Variants in DOCK6 observed in about 807,000 individuals in gnomAD.
DOCK6 encodes dedicator of cytokinesis 6.
DOCK6 carries 167 observed loss-of-function variants against 230.3 expected under a neutral mutation model. The observed-to-expected ratio is 0.73, with a 90% CI of 0.64 to 0.82. The LOEUF (loss-of-function observed/expected upper bound fraction) is 0.82. Ranked by LOEUF, DOCK6 falls within the 40% of genes least tolerant of loss-of-function variation. The pLI, the probability that DOCK6 is intolerant of heterozygous loss-of-function variation, is 0.00. For synonymous variants in DOCK6, 1,148 were observed against 1,185.0 expected (o/e 0.97, Z 0.64); for missense variants, 2,598 against 2,825.8 (o/e 0.92, Z 1.83).
In DOCK6 at chr19:11,236,433, G is replaced by A; in HGVS notation, c.2305C>T (p.Pro769Ser). 6.3e-7 allele frequency: 1 copy of A among 1,589,196 alleles called. No individual in the cohort carries two copies. Among genetic ancestry groups the A allele is most frequent in the Non-Finnish European group, 8.6e-7 (1 of 1,168,530 alleles). Residue 769 changes from proline (P) to serine (S), a missense_variant, in exon 20 of 48, where the codon CCC becomes TCC. Physicochemically the swap from Pro to Ser is moderately conservative, Grantham distance 74 (BLOSUM62 -1). Coordinates refer to ENST00000294618, the MANE Select transcript of DOCK6 (RefSeq NM_020812.4). The surrounding 1 kb of genome is among the most constrained non-coding windows in gnomAD (Gnocchi z 5.2). Reference protein sequence around the residue: ...ASLAALRLASPEPLVAFSHHV... With the variant: ...ASLAALRLASSEPLVAFSHHV... ...TGGGAGAAGGCCACAAGGGGTTCGGGGCTGGCCAGGCGCAGTGCTGCAAGA... is the reference window on the plus strand; with the variant it reads ...TGGGAGAAGGCCACAAGGGGTTCGGAGCTGGCCAGGCGCAGTGCTGCAAGA...
At chr19:11,238,900 C>G (rs2079894592) in intron 14 of DOCK6, 1 of 155,560 alleles carries the variant, frequency 6.4e-6, no homozygotes, top group African/African-American at 2.4e-5. Context: ...TGATAAATAA[C>G]AACAATGACA....
chr19:11,234,033 C>T (rs1424055653), intron 21 of DOCK6, among the ~76,000 whole-genome samples: 3 of 151,702 alleles, frequency 2.0e-5, no homozygotes, highest in African/African-American at 7.3e-5. Context: ...CGGAGTCTTG[C>T]TCTGTCGCCA....
intron 1 of DOCK6, among the ~76,000 whole-genome samples, chr19:11,257,209 A>G (rs1334578731): frequency 1.3e-5 from 2 of 151,258 alleles, no homozygotes; most frequent in Non-Finnish European, 1.5e-5. Flanking sequence ...GTTGCCTAGT[A>G]TGGTCTCAAA....
rs377629249 is a variant in DOCK6, at chr19:11,202,027, G to T, written c.5550C>A (p.Phe1850Leu). 2 of 1,614,066 alleles carry T rather than the reference G, an allele frequency of 1.2e-6. No individual in the cohort carries two copies. The highest frequency in any genetic ancestry group is 1.7e-6 in the Non-Finnish European group (2 of 1,179,914). The change falls in exon 44 of 48, where the codon TTC (phenylalanine) becomes TTA (leucine). Residue 1850 changes from phenylalanine (F) to leucine (L), a missense_variant. Phe to Leu is a conservative substitution (Grantham distance 22, BLOSUM62 0). Coordinates refer to ENST00000294618, the MANE Select transcript of DOCK6 (RefSeq NM_020812.4). The surrounding 1 kb of genome is among the most constrained non-coding windows in gnomAD (Gnocchi z 5.3). ...YFDRNYGLRTFLFCTPFTPDG... is the reference protein window; with the variant it reads ...YFDRNYGLRTLLFCTPFTPDG... Reference sequence around the variant, plus strand: ...CCGGCGTGAACGGCGTGCAGAACAGGAATGTGCGAAGCCCATAGTTGCGGT... The same window carrying T: ...CCGGCGTGAACGGCGTGCAGAACAGTAATGTGCGAAGCCCATAGTTGCGGT...
In DOCK6 at chr19:11,243,435, A is replaced by C; in HGVS notation, c.1259-50T>G. ...AAAGGGGGACCAAGATGAAACAGGGAGACTCAGGGGCGGCACAGTTCGGCC... is the reference window on the plus strand; with the variant it reads ...AAAGGGGGACCAAGATGAAACAGGGCGACTCAGGGGCGGCACAGTTCGGCC... On this transcript the variant is annotated intron_variant, in intron 11 of 47. Coordinates refer to ENST00000294618, the MANE Select transcript of DOCK6 (RefSeq NM_020812.4). The surrounding 1 kb of genome is among the most constrained non-coding windows in gnomAD (Gnocchi z 6.3). 4.4e-6 allele frequency: 7 copies of C among 1,581,002 alleles called. No individual in the cohort carries two copies. The highest frequency in any genetic ancestry group is 6.0e-6 in the Non-Finnish European group (7 of 1,165,188).
intron 37 of DOCK6, among the ~76,000 whole-genome samples, chr19:11,211,344 G>A (rs1367058076): frequency 6.7e-6 from 1 of 150,246 alleles, no homozygotes; most frequent in Non-Finnish European, 1.5e-5. Flanking sequence ...ACTCCTCAAT[G>A]GGTCTACTCT....
chr19:11,248,009 C>T (rs914150093), intron 7 of DOCK6, 57 bp downstream of exon 7: 18 of 1,491,436 alleles, frequency 1.2e-5, no homozygotes, highest in Non-Finnish European at 1.7e-5. Flanking sequence ...TGTACCCCGC[C>T]GGAACCCATG....
chr19:11,250,599 C>T (rs1355182296), intron 6 of DOCK6, among the ~76,000 whole-genome samples: 2 of 152,080 alleles, frequency 1.3e-5, no homozygotes, highest in Non-Finnish European at 2.9e-5. Flanking sequence ...CATGAGCCAC[C>T]ATGCCCGGCC....
chr19:11,229,796 G>C (rs1853974688), intron 22 of DOCK6, among the ~76,000 whole-genome samples: 1 of 151,858 alleles, frequency 6.6e-6, no homozygotes, highest in African/African-American at 2.4e-5. Context: ...GGGGCAGGAA[G>C]ACTGCTCAAA....
rs751735218 is a variant in DOCK6, at chr19:11,243,588, C to T, written c.1227G>A (p.Gly409=). ...VHLANIVSSA[G]QLDRDSDSEG... ...CCGAGTCAGAGTCCCGGTCCAGCTG[C>T]CCAGCGCTGCTCACGATGTTGGCCA... The change falls in exon 11 of 48, where the codon GGG becomes GGA. Residue 409 remains glycine, a synonymous_variant. Coordinates refer to ENST00000294618, the MANE Select transcript of DOCK6 (RefSeq NM_020812.4). The surrounding 1 kb of genome is among the most constrained non-coding windows in gnomAD (Gnocchi z 6.3). 9 of 1,609,130 alleles carry T rather than the reference C, an allele frequency of 5.6e-6. No individual in the cohort carries two copies. The South Asian group carries it at 1.0e-4, about 18-fold the overall frequency.
At position 11,236,973 on chromosome 19, in the gene DOCK6, G is replaced by T; in HGVS notation, c.2074-94C>A. ...CAGCCATTGCGACACTGCAGCGTGA[G>T]TGTAGCCCGGTCTGGGGGTGCAGCC... On this transcript the variant is annotated intron_variant, in intron 18 of 47. Transcript: ENST00000294618. The surrounding 1 kb of genome is among the most constrained non-coding windows in gnomAD (Gnocchi z 5.2). 1.5e-6 allele frequency: 2 copies of T among 1,317,004 alleles called. No individual in the cohort carries two copies. The highest frequency in any genetic ancestry group is 2.1e-6 in the Non-Finnish European group (2 of 964,404). The allele number at this position is 1,317,004 out of a possible 1,614,324, so 81.6% of individuals were successfully genotyped here. A position where few individuals can be genotyped will look rare whatever the true frequency, so the allele number is the denominator to read the frequency against.
At chr19:11,260,290 C>T (rs139179083) in intron 1 of DOCK6, among the ~76,000 whole-genome samples, 17 of 152,240 alleles carry the variant, frequency 1.1e-4, no homozygotes, top group Non-Finnish European at 8.8e-5. Context: ...TGCAAAGAAA[C>T]AGACAGCAAG....
chr19:11,219,576 T>C (rs1600884777), intron 28 of DOCK6, among the ~76,000 whole-genome samples: 1 of 151,502 alleles, frequency 6.6e-6, no homozygotes, highest in Admixed American at 6.6e-5. Flanking sequence ...GATCACAAGG[T>C]CAGGAGATCG....
intron 6 of DOCK6, among the ~76,000 whole-genome samples, chr19:11,248,784 C>T (rs1032556998): frequency 1.9e-4 from 29 of 152,104 alleles, no homozygotes; most frequent in African/African-American, 7.0e-4. Context: ...GGGACTGGGT[C>T]TCTCTATTCA....
chr19:11,226,055 A>T (rs1229281289), intron 24 of DOCK6, among the ~76,000 whole-genome samples: 1 of 152,028 alleles, frequency 6.6e-6, no homozygotes, highest in Non-Finnish European at 1.5e-5. Flanking sequence ...AACAAAAACA[A>T]AAACAGCCAA....
chr19:11,216,043 A>G, intron 30 of DOCK6, 116 bp from the exon 31 acceptor site: 3 of 1,365,358 alleles, frequency 2.2e-6, no homozygotes, highest in Non-Finnish European at 3.0e-6. Context: ...GTGCTTAAAG[A>G]CAGATTGCCT....
At chr19:11,234,059 G>A (rs1168400259) in intron 21 of DOCK6, among the ~76,000 whole-genome samples, 1 of 151,824 alleles carries the variant, frequency 6.6e-6, no homozygotes, top group East Asian at 1.9e-4. Flanking sequence ...GAGTCCAGTG[G>A]GGAGATCTTG....
In DOCK6 at chr19:11,259,627, G is replaced by A. The variant is rs190240889; in HGVS notation, c.44+2770C>T. ...GGCTGGAGTGCAGTGGCGGGATCTC[G>A]GCTCACTGCAACCTCTACCTCCCAG... is the stretch of plus-strand genomic sequence containing the variant. On this transcript the variant is annotated intron_variant, in intron 1 of 47. Coordinates refer to ENST00000294618, the MANE Select transcript of DOCK6 (RefSeq NM_020812.4). Among the ~76,000 whole-genome samples, 41 of 135,454 alleles carry A rather than the reference G, an allele frequency of 3.0e-4. 1 individual carries two copies. The East Asian group carries it at 5.3e-3, about 17-fold the overall frequency. 88.9% of individuals were successfully genotyped at this position (135,454 alleles called of 152,430 possible).
In DOCK6 at chr19:11,225,868, TAA is replaced by T. The variant is rs745740690; in HGVS notation, c.2955+1467_2955+1468del. Among the ~76,000 whole-genome samples, 140 of 71,002 alleles carry T rather than the reference TAA, an allele frequency of 2.0e-3. 2 individuals are homozygous for T. The highest frequency in any genetic ancestry group is 0.01 in the Middle Eastern group (1 of 100). 46.6% of individuals were successfully genotyped at this position (71,002 alleles called of 152,430 possible). A position where few individuals can be genotyped will look rare whatever the true frequency, so the allele number is the denominator to read the frequency against. ...CAACATAGTGAGACCCTGACTCTAC[TAA>T]AAAAAAAAAAAAAAAAAAAAAAAAT... is the stretch of plus-strand genomic sequence containing the variant. On this transcript the variant is annotated intron_variant, in intron 24 of 47. Transcript: ENST00000294618.
Sources: gnomAD v4.1 joint callset for allele counts (sites outside exome capture counted in the v4.1 genomes callset) on GRCh38, gnomAD v4.1.1 for gene constraint, Gnocchi (gnomAD v3.1) non-coding constraint, MANE v1.5 for transcripts, NCBI Gene and HGNC (gene_info 2026-07-23, HGNC 2026-07-21) for gene names.